The following ADCY6 variants were observed in gnomAD, a reference collection of about 807,000 sequenced individuals.
The protein encoded by ADCY6 is adenylate cyclase 6.
In ADCY6, 59 loss-of-function variants were observed where a neutral mutation model predicts 111.6. That is an observed-to-expected ratio of 0.53 (90% CI 0.43 to 0.66). The LOEUF (loss-of-function observed/expected upper bound fraction) is 0.66, where lower values mean the gene tolerates loss of function less well. Among genes scored for constraint, ADCY6 ranks in the 30% least tolerant of loss-of-function variants. ADCY6 has a pLI of 0.00. For missense variants in ADCY6, 1,242 were observed against 1,595.6 expected (o/e 0.78, Z 3.78); for synonymous variants, 576 against 642.9 (o/e 0.90, Z 1.57).
Position 48,783,401 on chromosome 12 carries a change from C to T in ADCY6, c.34G>A (p.Val12Met). 2 of 1,614,240 alleles carry T rather than the reference C, an allele frequency of 1.2e-6. No homozygotes were observed. Among genetic ancestry groups the T allele is most frequent in the South Asian group, 1.1e-5 (1 of 91,090 alleles). Residue 12 changes from valine to methionine, a missense_variant, in exon 2 of 22, where the codon GTG (valine) becomes ATG (methionine). Val to Met is a conservative substitution (Grantham distance 21). Around this residue, in one of 4 missense-constraint regions of ADCY6, gnomAD observed 362 missense variants for 377.2 expected, o/e 0.96. Coordinates refer to ENST00000357869, the MANE Select transcript of ADCY6 (RefSeq NM_015270.5). ...CCCCAGGCTGTTTTCCGTTCATCCA[C>T]TTTAGGGACCAGGAGGCCACTAAAC... is the stretch of plus-strand genomic sequence containing the variant. ...SWFSGLLVPK[V>M]DERKTAWGER... is the part of the protein sequence containing the mutation.
At position 48,767,596 on chromosome 12, in the gene ADCY6, G is replaced by T. The variant is rs1941409820; in HGVS notation, c.*995C>A. 6.5e-6 allele frequency: 1 copy of T among 152,700 alleles called. No individual in the cohort carries two copies. Among genetic ancestry groups the T allele is most frequent in the Non-Finnish European group, 1.5e-5 (1 of 68,086 alleles). The allele number at this position is 152,700 out of a possible 1,614,324, so 9.5% of individuals were successfully genotyped here. On this transcript the variant is annotated 3_prime_UTR_variant, in exon 22 of 22. Transcript: ENST00000357869. The stretch of plus-strand genomic sequence containing the variant: ...TCCCCAACACCAGAGACTTGGGAGG[G>T]CAGGTTTGGGATCAGGGTCACCTTT...
rs767610017 is a variant in ADCY6 at position 48,773,553 on chromosome 12, C to A, written c.2537G>T (p.Gly846Val). The A allele has an allele frequency of 6.2e-7, 1 of 1,614,078 alleles. No individual in the cohort carries two copies. Among genetic ancestry groups the A allele is most frequent in the East Asian group, 2.2e-5 (1 of 44,878 alleles). The stretch of plus-strand genomic sequence containing the variant: ...CAGAAGCAGCACCAAATAGATGAGC[C>A]CCAAGACAAAGATCATGGCCAACTT... Reference protein sequence around the residue: ...IGKLAMIFVLGLIYLVLLLLG... With the variant: ...IGKLAMIFVLVLIYLVLLLLG... Residue 846 changes from glycine to valine, a missense_variant, in exon 16 of 22, where the codon GGG becomes GTG. Gly to Val is a moderately radical substitution (Grantham distance 109). Coordinates refer to ENST00000357869, the MANE Select transcript of ADCY6 (RefSeq NM_015270.5).
At chr12:48,779,739 C>G (rs546560176) in intron 2 of ADCY6, among the ~76,000 whole-genome samples, 137 of 152,304 alleles carry the variant, frequency 9.0e-4, no homozygotes, top group African/African-American at 3.0e-3. Context: ...TGGGGCAGGG[C>G]TCTGGTTTAA....
In ADCY6 at chr12:48,783,140, T is replaced by C; in HGVS notation, c.295A>G (p.Thr99Ala). 1 of 1,608,400 alleles carries C rather than the reference T, an allele frequency of 6.2e-7. No homozygotes were observed. The highest frequency in any genetic ancestry group is 8.5e-7 in the Non-Finnish European group (1 of 1,179,398). Residue 99 changes from threonine to alanine, a missense_variant, in exon 2 of 22, where the codon ACA becomes GCA. Thr to Ala is a moderately conservative substitution (Grantham distance 58, BLOSUM62 0). Coordinates refer to ENST00000357869, the MANE Select transcript of ADCY6 (RefSeq NM_015270.5). ...GCCACCTCAGCCGTCCCGCCCGCTG[T>C]CGTTGTCACCTCGGTATCCTCGAAG... is the stretch of plus-strand genomic sequence containing the variant. ...LGFEDTEVTT[T>A]AGGTAEVAPD...
In ADCY6 at chr12:48,776,048, G is replaced by A; in HGVS notation, c.1721C>T (p.Ala574Val). The change falls in exon 9 of 22, where the codon GCC (alanine) becomes GTC (valine). Residue 574 changes from alanine to valine, a missense_variant. Physicochemically the swap from Ala to Val is moderately conservative, Grantham distance 64. This residue lies in a region of ADCY6 where 375 missense variants were observed against 432.5 expected (regional missense o/e 0.87). Transcript: ENST00000357869. This position sits in a 1 kb window ranked among gnomAD's most constrained non-coding sequence, Gnocchi z 6.1. ...CGGCATCAGCCCTTCCATGGAGTTG[G>A]CCCGAGTCCGCTGCAGCTTGGCCAG... Reference protein sequence around the residue: ...AMLAKLQRTRANSMEGLMPRW... With the variant: ...AMLAKLQRTRVNSMEGLMPRW... 2 of 1,613,452 alleles carry A rather than the reference G, an allele frequency of 1.2e-6. No individual in the cohort carries two copies. The highest frequency in any genetic ancestry group is 1.7e-6 in the Non-Finnish European group (2 of 1,179,688).
At chr12:48,786,209 G>A (rs138405195) in intron 1 of ADCY6, among the ~76,000 whole-genome samples, 1 of 152,136 alleles carries the variant, frequency 6.6e-6, no homozygotes, top group African/African-American at 2.4e-5. Flanking sequence ...AAGCCAGATG[G>A]GCAGCGCTTG....
At position 48,784,665 on chromosome 12, in the gene ADCY6, GTTTTTTTTT is replaced by G. The variant is rs766502422; in HGVS notation, c.-4-1236_-4-1228del. On this transcript the variant is annotated intron_variant, in intron 1 of 21. Transcript: ENST00000357869. ...ACAGAAGCAGAAGAAAAAATCTGGA[GTTTTTTTTT>G]TTTTTTTTTTTTTTTTGAGACGGAG... Among the ~76,000 whole-genome samples, 32 of 72,292 alleles carry G rather than the reference GTTTTTTTTT, an allele frequency of 4.4e-4. 1 individual carries two copies. The highest frequency in any genetic ancestry group is 1.9e-3 in the Admixed American group (11 of 5,734). The allele number at this position is 72,292 out of a possible 152,430, so 47.4% of individuals were successfully genotyped here.
chr12:48,772,129 G>C, intron 18 of ADCY6, 156 bp from the exon 19 acceptor site: 3 of 1,378,088 alleles, frequency 2.2e-6, no homozygotes, highest in Non-Finnish European at 2.9e-6. Flanking sequence ...AAGGGGGCAG[G>C]TAGAGGATGG....
At chr12:48,789,121 C>T (rs1942039336), upstream of ADCY6, 1 of 152,258 alleles carries the variant, frequency 6.6e-6, no homozygotes, top group African/African-American at 2.4e-5. Flanking sequence ...TCCCCGCTGG[C>T]TCCCGGACTC....
At chr12:48,770,499 C>T (rs955590462) in intron 20 of ADCY6, among the ~76,000 whole-genome samples, 2 of 152,290 alleles carry the variant, frequency 1.3e-5, no homozygotes. Flanking sequence ...GTTGTTTGAC[C>T]TTGGGCAAGT....
At chr12:48,789,583 A>C (rs1460360346), upstream of ADCY6, 12 of 111,248 alleles carry the variant, frequency 1.1e-4, no homozygotes, top group South Asian at 3.0e-4. Flanking sequence ...CCCCTGCCCC[A>C]GCCCCAGCCC....
intron 10 of ADCY6, 59 bp downstream of exon 10, chr12:48,775,614 T>TA (rs1941675835): frequency 1.3e-5 from 20 of 1,591,496 alleles, no homozygotes; most frequent in African/African-American, 1.1e-4. Flanking sequence ...GGATCTCGGC[T>TA]CCCCCCAGCC....
Position 48,771,002 on chromosome 12 carries a change from G to A in ADCY6, c.3052-32C>T. On this transcript the variant is annotated intron_variant, in intron 19 of 21. Transcript: ENST00000357869. This position sits in a 1 kb window ranked among gnomAD's most constrained non-coding sequence, Gnocchi z 4.3. ...AACACAAGGAGACCTGGCTGTCAAG[G>A]CAAAGACCCCAGACCCAGCCCTGCC... 1 of 1,604,068 alleles carries A rather than the reference G, an allele frequency of 6.2e-7. No individual in the cohort carries two copies. The highest frequency in any genetic ancestry group is 8.5e-7 in the Non-Finnish European group (1 of 1,172,922).
At chr12:48,785,914 T>C (rs1941971561) in intron 1 of ADCY6, among the ~76,000 whole-genome samples, 1 of 152,154 alleles carries the variant, frequency 6.6e-6, no homozygotes, top group Non-Finnish European at 1.5e-5. Flanking sequence ...AGATCCCACA[T>C]TTCCTGGAGG....
intron 1 of ADCY6, among the ~76,000 whole-genome samples, 162 bp downstream of exon 1, chr12:48,788,744 C>T (rs1942028516): frequency 6.6e-6 from 1 of 152,110 alleles, no homozygotes. Flanking sequence ...CATGACTTCC[C>T]TTTGCCAACC....
chr12:48,788,392 G>C (rs1365440010), intron 1 of ADCY6, among the ~76,000 whole-genome samples: 1 of 152,154 alleles, frequency 6.6e-6, no homozygotes, highest in African/African-American at 2.4e-5. Flanking sequence ...AATAAAGTCA[G>C]CTCCCCTGCC....
At position 48,768,926 on chromosome 12, in the gene ADCY6, A is replaced by C. The variant is rs1289014683; in HGVS notation, c.3381+11T>G. On this transcript the variant is annotated intron_variant, in intron 21 of 21. Coordinates refer to ENST00000357869, the MANE Select transcript of ADCY6 (RefSeq NM_015270.5). ...CATGTTCCTCCCAGCCCCTGCTCAT[A>C]TCCCCCTCACCTGGATTCGGTCGGG... The C allele has an allele frequency of 6.2e-6, 10 of 1,600,472 alleles. No homozygotes were observed. In the Admixed American group the frequency reaches 1.7e-4, roughly 28 times the overall value.
chr12:48,778,872 ATTTTT>A (rs1037254707), intron 2 of ADCY6, among the ~76,000 whole-genome samples: 6,067 of 71,292 alleles, frequency 0.085, 48 homozygotes, highest in African/African-American at 0.18. Context: ...TGAATAACAC[ATTTTT>A]TTTTTTTTTT....
intron 2 of ADCY6, among the ~76,000 whole-genome samples, chr12:48,778,817 G>A (rs528945197): frequency 6.6e-6 from 1 of 151,084 alleles, no homozygotes; most frequent in South Asian, 2.1e-4. Flanking sequence ...CTAGTTTGTT[G>A]GCTGCCTACC....
Sources: gnomAD v4.1 joint callset for allele counts (sites outside exome capture counted in the v4.1 genomes callset) on GRCh38, gnomAD v4.1.1 for gene constraint, gnomAD v4.1.1 regional missense constraint, Gnocchi (gnomAD v3.1) non-coding constraint, MANE v1.5 for transcripts, NCBI Gene and HGNC (gene_info 2026-07-23, HGNC 2026-07-21) for gene names.